Variants in MYT1L observed in about 807,000 individuals in gnomAD.
The protein encoded by MYT1L is myelin transcription factor 1-like protein.
In MYT1L, 12 loss-of-function variants were observed where a neutral mutation model predicts 126.7. That is an observed-to-expected ratio of 0.09 (90% confidence interval 0.06 to 0.15). The LOEUF is 0.15. Among genes scored for constraint, MYT1L ranks in the 10% least tolerant of loss-of-function variants. The pLI is 1.00. For missense variants in MYT1L, 979 were observed against 1,585.2 expected, an observed-to-expected ratio of 0.62 and a Z score of 6.49; for synonymous variants, 541 against 604.2, an observed-to-expected ratio of 0.90 and a Z score of 1.53.
intron 18 of MYT1L, among the ~76,000 whole-genome samples, chr2:1,879,792 G>A (rs1032311864): frequency 1.3e-5 from 2 of 151,976 alleles, no homozygotes; most frequent in Non-Finnish European, 2.9e-5. Flanking sequence ...AAAAATCAAT[G>A]TATTTAAAAA....
At chr2:2,028,284 C>T (rs1329780101) in intron 4 of MYT1L, among the ~76,000 whole-genome samples, 1 of 152,164 alleles carries the variant, frequency 6.6e-6, no homozygotes, top group Admixed American at 6.5e-5. Flanking sequence ...GCAGGAGGAG[C>T]CTGGTGTGGA....
chr2:1,899,720 T>G (rs898636386), intron 14 of MYT1L, among the ~76,000 whole-genome samples: 1 of 152,348 alleles, frequency 6.6e-6, no homozygotes, highest in Admixed American at 6.5e-5. Flanking sequence ...AGTTTGCCAC[T>G]TTGGTAAAGC....
intron 2 of MYT1L, among the ~76,000 whole-genome samples, chr2:2,282,195 T>C (rs777768377): frequency 3.3e-5 from 5 of 152,246 alleles, no homozygotes; most frequent in Non-Finnish European, 5.9e-5. Context: ...TGGATCATGT[T>C]CTATCATTTA....
chr2:2,059,121 A>T lies in MYT1L; in HGVS notation c.-303-4998T>A, dbSNP rs1369100069. On this transcript the variant is annotated intron_variant, in intron 3 of 24. Coordinates refer to ENST00000647738, the MANE Select transcript of MYT1L (RefSeq NM_001303052.2). The surrounding 1 kb of genome is among the most constrained non-coding windows in gnomAD (Gnocchi z 4.7). ...GACACAGTGGTCTTGTTATTCCTCAAAAGGTCTGCGTGTCACCCACACTGG... is the reference window on the plus strand; with the variant it reads ...GACACAGTGGTCTTGTTATTCCTCATAAGGTCTGCGTGTCACCCACACTGG... 6.6e-6 allele frequency among the ~76,000 whole-genome samples: 1 copy of T among 152,170 alleles called. No homozygotes were observed. The highest frequency in any genetic ancestry group is 2.4e-5 in the African/African-American group (1 of 41,440).
At chr2:2,182,188 T>G (rs2091612056) in intron 2 of MYT1L, among the ~76,000 whole-genome samples, 1 of 152,102 alleles carries the variant, frequency 6.6e-6, no homozygotes, top group Admixed American at 6.5e-5. Flanking sequence ...CCGCACTGTG[T>G]CTTGGAACTG....
intron 19 of MYT1L, among the ~76,000 whole-genome samples, chr2:1,847,902 G>A (rs993086670): frequency 3.9e-5 from 6 of 152,102 alleles, no homozygotes; most frequent in African/African-American, 9.7e-5. Flanking sequence ...AAACACCACC[G>A]CTAAGAGGCA....
At chr2:2,065,669 G>C (rs1053466793) in intron 3 of MYT1L, among the ~76,000 whole-genome samples, 1 of 152,146 alleles carries the variant, frequency 6.6e-6, no homozygotes, top group African/African-American at 2.4e-5. Context: ...TTCGCACTCA[G>C]AACAGCAGTG....
chr2:2,224,832 A>C lies in MYT1L; in HGVS notation c.-420-51844T>G, dbSNP rs2093967860. On this transcript the variant is annotated intron_variant, in intron 2 of 24. Transcript: ENST00000647738. The surrounding 1 kb of genome is among the most constrained non-coding windows in gnomAD (Gnocchi z 4.0). ...AGACTCCGTCTCAAAAGAAAAAAAA[A>C]AAAAGGAAAATAAATGTTTCAAATC... 6.6e-6 allele frequency among the ~76,000 whole-genome samples: 1 copy of C among 152,052 alleles called. No homozygotes were observed. The highest frequency in any genetic ancestry group is 1.5e-5 in the Non-Finnish European group (1 of 68,006).
chr2:1,926,573 T>C (rs912621022), intron 9 of MYT1L, among the ~76,000 whole-genome samples: 32 of 152,210 alleles, frequency 2.1e-4, no homozygotes, highest in African/African-American at 7.0e-4. Context: ...TTTTTGTTTT[T>C]GTTTTTTGAG....
intron 10 of MYT1L, among the ~76,000 whole-genome samples, chr2:1,919,400 C>A (rs564390713): frequency 1.3e-5 from 2 of 152,136 alleles, no homozygotes; most frequent in Non-Finnish European, 2.9e-5. Context: ...AACCAAACAC[C>A]TTTTGCAACA....
At chr2:1,970,594 G>A (rs973232158) in intron 8 of MYT1L, among the ~76,000 whole-genome samples, 3 of 152,224 alleles carry the variant, frequency 2.0e-5, no homozygotes, top group African/African-American at 7.2e-5. Context: ...GCTGGCTCAG[G>A]GTTCCCGGGG....
At chr2:2,134,942 C>A (rs894402870) in intron 3 of MYT1L, among the ~76,000 whole-genome samples, 1 of 152,174 alleles carries the variant, frequency 6.6e-6, no homozygotes, top group African/African-American at 2.4e-5. Flanking sequence ...TTCAAAGGTA[C>A]CATCTGCCTT....
chr2:2,110,531 T>C (rs1255468558), intron 3 of MYT1L, among the ~76,000 whole-genome samples: 3 of 151,922 alleles, frequency 2.0e-5, no homozygotes, highest in Non-Finnish European at 4.4e-5. Flanking sequence ...GCTTTGCCTG[T>C]CCCTGCCTCC....
At chr2:1,800,766 C>T (rs13420717) in intron 23 of MYT1L, among the ~76,000 whole-genome samples, 6,560 of 152,054 alleles carry the variant, frequency 0.043, 160 homozygotes, top group East Asian at 0.072. Context: ...AGATGGCTGG[C>T]GGTGACACCA....
chr2:2,325,266 T>A (rs1166988754), intron 1 of MYT1L: 1 of 152,168 alleles, frequency 6.6e-6, no homozygotes, highest in East Asian at 1.9e-4. Context: ...AAAAGAATGG[T>A]GACACAAGAG....
chr2:2,167,973 T>C (rs1211058881), intron 3 of MYT1L, among the ~76,000 whole-genome samples: 1 of 152,194 alleles, frequency 6.6e-6, no homozygotes, highest in African/African-American at 2.4e-5. Flanking sequence ...GCATTTCAAA[T>C]AATTCACTTA....
intron 18 of MYT1L, among the ~76,000 whole-genome samples, chr2:1,864,703 C>G (rs1184457312): frequency 6.6e-6 from 1 of 152,218 alleles, no homozygotes; most frequent in Non-Finnish European, 1.5e-5. Flanking sequence ...CTCCCCTCCA[C>G]AACATCTCTG....
intron 3 of MYT1L, among the ~76,000 whole-genome samples, chr2:2,135,050 C>T (rs886071724): frequency 6.6e-6 from 1 of 152,166 alleles, no homozygotes; most frequent in Non-Finnish European, 1.5e-5. Flanking sequence ...TTCTCTGCAC[C>T]TTTCCAGCTC....
chr2:2,191,490 C>T (rs138038683), intron 2 of MYT1L, among the ~76,000 whole-genome samples: 1 of 152,206 alleles, frequency 6.6e-6, no homozygotes. Context: ...GCCGCCCATC[C>T]TCACTGCTCT....
Sources: gnomAD v4.1 joint callset for allele counts (sites outside exome capture counted in the v4.1 genomes callset) on GRCh38, gnomAD v4.1.1 for gene constraint, Gnocchi (gnomAD v3.1) non-coding constraint, MANE v1.5 for transcripts, NCBI Gene and HGNC (gene_info 2026-07-23, HGNC 2026-07-21) for gene names.